Variants in SNX18 observed in about 807,000 individuals in gnomAD.
SNX18 encodes the protein sorting nexin-18.
Under a neutral mutation model 48.7 loss-of-function variants are expected in SNX18, and 35 were observed. The ratio of observed to expected loss-of-function variants is 0.72; its 90% CI spans 0.55 to 0.95. SNX18 has a LOEUF of 0.95. Ranked by LOEUF, SNX18 falls within the 40% of genes least tolerant of loss-of-function variation. The pLI, the probability that SNX18 is intolerant of heterozygous loss-of-function variation, is 0.00. For missense variants in SNX18, 824 were observed against 871.0 expected, an observed-to-expected ratio of 0.95 and a Z score of 0.68; for synonymous variants, 492 against 384.7, an observed-to-expected ratio of 1.28 and a Z score of -3.26.
chr5:54,608,255 C>T, the SNX18 span, among the ~76,000 whole-genome samples: 1 of 152,142 alleles, frequency 6.6e-6, no homozygotes, highest in South Asian at 2.1e-4. Flanking sequence ...TTGGCTTTCC[C>T]TAACGGCTAA....
chr5:54,609,314 G>A, the SNX18 span, among the ~76,000 whole-genome samples: 2 of 151,886 alleles, frequency 1.3e-5, no homozygotes, highest in African/African-American at 2.4e-5. Context: ...CAGCCTAGGG[G>A]GTACTGCCAC....
chr5:54,610,024 G>T, the SNX18 span, among the ~76,000 whole-genome samples: 3 of 152,148 alleles, frequency 2.0e-5, no homozygotes, highest in East Asian at 5.8e-4. Context: ...CATGTGACAT[G>T]CCTGCTTTCC....
rs968164874 is a variant in SNX18, at chr5:54,517,873, C to A, written c.-80C>A. 3 of 1,361,044 alleles carry A rather than the reference C, an allele frequency of 2.2e-6. No individual in the cohort carries two copies. The highest frequency in any genetic ancestry group is 2.8e-6 in the Non-Finnish European group (3 of 1,060,052). 84.3% of individuals were successfully genotyped at this position (1,361,044 alleles called of 1,614,324 possible). A position where few individuals can be genotyped will look rare whatever the true frequency, so the allele number is the denominator to read the frequency against. ...GGGCTCCAGTCCGCGCGCCAGGGCT[C>A]GAGCAGTACCGCGGGCCCCTCAGGT... is the stretch of plus-strand genomic sequence containing the variant. On this transcript the variant is annotated 5_prime_UTR_variant, in exon 1 of 2. Coordinates refer to ENST00000381410, the MANE Select transcript of SNX18 (RefSeq NM_001102575.2).
chr5:54,587,734 G>A, the SNX18 span, among the ~76,000 whole-genome samples: 1 of 152,166 alleles, frequency 6.6e-6, no homozygotes, highest in Non-Finnish European at 1.5e-5. Context: ...GAGGGGTACA[G>A]CACCATTGCT....
At chr5:54,635,265 A>C in the SNX18 span, among the ~76,000 whole-genome samples, 41 of 151,596 alleles carry the variant, frequency 2.7e-4, no homozygotes, top group East Asian at 7.5e-3. Context: ...TTAATATTAT[A>C]ATACTATATA....
intron 1 of SNX18, among the ~76,000 whole-genome samples, chr5:54,525,049 G>A (rs565629375): frequency 3.9e-5 from 6 of 152,354 alleles, no homozygotes; most frequent in South Asian, 4.1e-4. Context: ...CTGGCCTGTC[G>A]GGACCAGCAT....
chr5:54,617,185 G>A, the SNX18 span, among the ~76,000 whole-genome samples: 1 of 152,200 alleles, frequency 6.6e-6, no homozygotes, highest in Non-Finnish European at 1.5e-5. Flanking sequence ...GAAGCCGCAA[G>A]GCCTCTCCTT....
At position 54,543,159 on chromosome 5, in the gene SNX18, A is replaced by G. The variant is rs775179826; in HGVS notation, c.1622-20A>G. ...ATGTGGATATATAGGTTTTTAATTA[A>G]TTGTTATTTTTAACTACAGGAGCTC... On this transcript the variant is annotated intron_variant, in intron 1 of 1. Coordinates refer to ENST00000381410, the MANE Select transcript of SNX18 (RefSeq NM_001102575.2). The G allele has an allele frequency of 1.9e-6, 3 of 1,601,088 alleles. No individual in the cohort carries two copies. Among genetic ancestry groups the G allele is most frequent in the African/African-American group, 2.7e-5 (2 of 74,132 alleles).
chr5:54,537,899 T>C (rs544841162), intron 1 of SNX18, among the ~76,000 whole-genome samples: 1 of 152,368 alleles, frequency 6.6e-6, no homozygotes, highest in South Asian at 2.1e-4. Context: ...TCATACTTTG[T>C]TACAGCTCTG....
chr5:54,585,011 G>T, the SNX18 span, among the ~76,000 whole-genome samples: 1 of 152,170 alleles, frequency 6.6e-6, no homozygotes, highest in Non-Finnish European at 1.5e-5. Flanking sequence ...AGGATCACAG[G>T]CCAGGCATGA....
At chr5:54,594,198 G>T in the SNX18 span, among the ~76,000 whole-genome samples, 1 of 152,320 alleles carries the variant, frequency 6.6e-6, no homozygotes, top group South Asian at 2.1e-4. Flanking sequence ...TATTTCATTT[G>T]TATGAAATTT....
rs1250468169 is a variant in SNX18 at position 54,518,297 on chromosome 5, T to G, written c.345T>G (p.Pro115=). Residue 115 remains proline (P), a synonymous_variant, in exon 1 of 2, where the codon CCT becomes CCG. Transcript: ENST00000381410. ...QALLQPQQAP[P]PSTFQPPGAG... is the part of the protein sequence containing the mutation. ...TGCTGCAGCCACAGCAGGCGCCGCC[T>G]CCGAGCACCTTCCAGCCGCCCGGCG... The G allele has an allele frequency of 7.2e-6, 11 of 1,519,798 alleles. No individual in the cohort carries two copies. Among genetic ancestry groups the G allele is most frequent in the Admixed American group, 6.2e-5 (3 of 48,390 alleles). The allele number at this position is 1,519,798 out of a possible 1,614,324, so 94.1% of individuals were successfully genotyped here. A position where few individuals can be genotyped will look rare whatever the true frequency, so the allele number is the denominator to read the frequency against.
At position 54,518,711 on chromosome 5, in the gene SNX18, G is replaced by A. The variant is rs1180277279; in HGVS notation, c.759G>A (p.Lys253=). ...TGGGGGAGGCGTCAGGCTTCGTGAA[G>A]GACGGGGACAAGCTGTGCGTGGTGC... ...FVLGEASGFV[K]DGDKLCVVLG... is the part of the protein sequence containing the mutation. Residue 253 remains lysine (K), a synonymous_variant, in exon 1 of 2, where the codon AAG becomes AAA. Transcript: ENST00000381410. The A allele has an allele frequency of 2.5e-6, 4 of 1,592,524 alleles. No individual in the cohort carries two copies. In the South Asian group the frequency reaches 3.4e-5, roughly 14 times the overall value.
the SNX18 span, among the ~76,000 whole-genome samples, chr5:54,634,157 C>T: frequency 2.6e-5 from 4 of 152,186 alleles, no homozygotes; most frequent in African/African-American, 9.7e-5. Flanking sequence ...TCTCCCTCCT[C>T]CCCCATATAC....
At chr5:54,579,683 A>C in the SNX18 span, among the ~76,000 whole-genome samples, 1 of 152,182 alleles carries the variant, frequency 6.6e-6, no homozygotes. Flanking sequence ...TTAGGAGTAA[A>C]GTCAACAGCA....
chr5:54,546,042 G>A lies in SNX18; in HGVS notation c.*2610G>A, dbSNP rs934961734. The A allele has an allele frequency of 2.0e-5, 3 of 152,050 alleles. No homozygotes were observed. Among genetic ancestry groups the A allele is most frequent in the South Asian group, 2.1e-4 (1 of 4,824 alleles). The allele number at this position is 152,050 out of a possible 1,614,324, so 9.4% of individuals were successfully genotyped here. A position where few individuals can be genotyped will look rare whatever the true frequency, so the allele number is the denominator to read the frequency against. ...GCCATGTGTCGTAATCTTGTTCCCC[G>A]TCCAAGCTGTTGTATCTGAAGGTAC... On this transcript the variant is annotated 3_prime_UTR_variant, in exon 2 of 2. Transcript: ENST00000381410.
chr5:54,519,667 C>T lies in SNX18; in HGVS notation c.1621+94C>T, dbSNP rs751889217. 6 of 1,614,042 alleles carry T rather than the reference C, an allele frequency of 3.7e-6. No individual in the cohort carries two copies. The Admixed American group carries it at 6.7e-5, about 18-fold the overall frequency. ...GCAGTACCACTGTGGGTTTCAGAAT[C>T]ATATTCTACAGGTGAGGAAGCGAGC... On this transcript the variant is annotated intron_variant, in intron 1 of 1. Transcript: ENST00000381410.
the SNX18 span, among the ~76,000 whole-genome samples, chr5:54,612,491 C>A: frequency 6.6e-6 from 1 of 152,138 alleles, no homozygotes; most frequent in South Asian, 2.1e-4. Context: ...TCTCGAACTC[C>A]TGACTTCATG....
chr5:54,519,339 G>C lies in SNX18; in HGVS notation c.1387G>C (p.Glu463Gln). ...CAAGCAGGTGACCGGCTTCAAAAAG[G>C]AGTATCAGAAGGTGGGCCAGTCCTT... ...ARKQVTGFKKEYQKVGQSFRG... is the reference protein window; with the variant it reads ...ARKQVTGFKKQYQKVGQSFRG... Residue 463 changes from glutamate (E) to glutamine (Q), a missense_variant, in exon 1 of 2, where the codon GAG becomes CAG. Around this residue, in one of 3 missense-constraint regions of SNX18, gnomAD observed 443 missense variants for 503.6 expected, o/e 0.88. Transcript: ENST00000381410. 1 of 1,613,578 alleles carries C rather than the reference G, an allele frequency of 6.2e-7. No homozygotes were observed. Among genetic ancestry groups the C allele is most frequent in the Non-Finnish European group, 8.5e-7 (1 of 1,179,668 alleles).
Sources: allele counts gnomAD v4.1 joint callset (sites outside exome capture counted in the v4.1 genomes callset), GRCh38; gene constraint gnomAD v4.1.1; regional missense constraint gnomAD v4.1.1; transcripts MANE v1.5; gene names NCBI Gene and HGNC (gene_info 2026-07-23, HGNC 2026-07-21).